IFT43: variants seen among roughly 807,000 people sequenced by gnomAD.
IFT43 encodes the protein intraflagellar transport 43.
Under a neutral mutation model 32.3 loss-of-function variants are expected in IFT43, and 33 were observed. That is an observed-to-expected ratio of 1.02 (90% CI 0.77 to 1.37). The LOEUF (loss-of-function observed/expected upper bound fraction) is 1.37. IFT43 is among the 40% of genes most tolerant of loss of function. The pLI is 0.00. For missense variants in IFT43, 274 were observed against 265.9 expected (o/e 1.03, Z -0.21); for synonymous variants, 93 against 98.2 (o/e 0.95, Z 0.31).
chr14:75,996,859 T>A (rs1346452967), intron 2 of IFT43, among the ~76,000 whole-genome samples: 2 of 152,238 alleles, frequency 1.3e-5, no homozygotes, highest in African/African-American at 2.4e-5. Flanking sequence ...ATTCATTCAT[T>A]TATGAAACTT....
rs574110205 is a variant in IFT43 at position 76,029,212 on chromosome 14, A to G, written c.215+6818A>G. Among the ~76,000 whole-genome samples the G allele has an allele frequency of 1.3e-5, 2 of 152,138 alleles. 1 individual carries two copies. The highest frequency in any genetic ancestry group is 4.1e-4 in the South Asian group (2 of 4,828). ...TGTGGCTTCAATTTGCATTTCTCTG[A>G]TAGTGATGTTAAGCATTTATTCATA... On this transcript the variant is annotated intron_variant, in intron 3 of 8. Transcript: ENST00000314067.
chr14:76,077,624 T>C (rs760909206), intron 5 of IFT43, among the ~76,000 whole-genome samples: 2 of 152,166 alleles, frequency 1.3e-5, no homozygotes, highest in African/African-American at 4.8e-5. Context: ...TAAAGTATTA[T>C]GGAAGGATAA....
chr14:76,074,479 C>T (rs1473525519), intron 5 of IFT43, among the ~76,000 whole-genome samples: 3 of 152,270 alleles, frequency 2.0e-5, no homozygotes, highest in South Asian at 2.1e-4. Context: ...GGGCAGGTGA[C>T]GCCAGGGTCC....
chr14:75,986,977 G>A (rs1336042992), intron 1 of IFT43, among the ~76,000 whole-genome samples: 1 of 152,150 alleles, frequency 6.6e-6, no homozygotes. Context: ...CAAAGTTCCT[G>A]CCCTCATGTG....
chr14:76,053,250 C>T (rs570519438), intron 3 of IFT43, among the ~76,000 whole-genome samples: 11 of 152,166 alleles, frequency 7.2e-5, no homozygotes, highest in Non-Finnish European at 1.3e-4. Context: ...TGTCATCAGT[C>T]GTCATCCTTC....
chr14:76,081,723 C>T (rs1017222250), intron 5 of IFT43, among the ~76,000 whole-genome samples: 7 of 152,168 alleles, frequency 4.6e-5, no homozygotes, highest in Non-Finnish European at 8.8e-5. Flanking sequence ...GGCAAATGGA[C>T]GCCTGGATCC....
At chr14:76,049,118 A>G (rs1397343098) in intron 3 of IFT43, among the ~76,000 whole-genome samples, 1 of 152,210 alleles carries the variant, frequency 6.6e-6, no homozygotes, top group Non-Finnish European at 1.5e-5. Context: ...AATTGAAATA[A>G]AGGTTTCCAG....
rs542625642 is a variant in IFT43 at position 76,054,310 on chromosome 14, A to C, written c.216-4332A>C. Among the ~76,000 whole-genome samples, 34 of 152,302 alleles carry C rather than the reference A, an allele frequency of 2.2e-4. No individual in the cohort carries two copies. The South Asian group carries it at 7.0e-3, about 32-fold the overall frequency. On this transcript the variant is annotated intron_variant, in intron 3 of 8. Coordinates refer to ENST00000314067, the MANE Select transcript of IFT43 (RefSeq NM_001102564.3). Reference sequence around the variant, plus strand: ...ATACCATATCGTGCCTTCCATAAGGAGAGGAAGTCAAGAAGGGACCGTCTA... The same window carrying C: ...ATACCATATCGTGCCTTCCATAAGGCGAGGAAGTCAAGAAGGGACCGTCTA...
At chr14:76,026,975 G>A (rs1343737033) in intron 3 of IFT43, among the ~76,000 whole-genome samples, 3 of 152,276 alleles carry the variant, frequency 2.0e-5, no homozygotes, top group African/African-American at 7.2e-5. Context: ...GCAAACTAAT[G>A]TAGGAACAGA....
intron 2 of IFT43, among the ~76,000 whole-genome samples, chr14:76,017,373 C>T (rs1274679349): frequency 6.6e-6 from 1 of 152,100 alleles, no homozygotes; most frequent in Non-Finnish European, 1.5e-5. Context: ...TTGTGTTGAA[C>T]CCTCCTTGCA....
chr14:75,999,241 A>AATATTCATTTATATATAAATTCATTTTT (rs1408982797), intron 2 of IFT43, among the ~76,000 whole-genome samples: 1 of 12,976 alleles, frequency 7.7e-5, no homozygotes, highest in African/African-American at 3.3e-4. Context: ...ATATATATAT[A>AATATTCATTTATATATAAATTCATTTTT]TATATATATA....
At chr14:76,010,015 G>A (rs1260557941) in intron 2 of IFT43, among the ~76,000 whole-genome samples, 2 of 152,148 alleles carry the variant, frequency 1.3e-5, no homozygotes, top group Admixed American at 6.5e-5. Flanking sequence ...GGCTGGTCTT[G>A]AACTCCTGAC....
At chr14:76,040,998 T>TG (rs2036696707) in intron 3 of IFT43, among the ~76,000 whole-genome samples, 1 of 152,238 alleles carries the variant, frequency 6.6e-6, no homozygotes, top group African/African-American at 2.4e-5. Flanking sequence ...CAACTGCCTG[T>TG]GGGCTGGCCT....
At chr14:76,061,814 T>C (rs1400875301) in intron 5 of IFT43, among the ~76,000 whole-genome samples, 1 of 152,198 alleles carries the variant, frequency 6.6e-6, no homozygotes, top group Non-Finnish European at 1.5e-5. Context: ...TATGGCATAT[T>C]TGCATTATGC....
At chr14:76,072,099 A>G (rs2037332239) in intron 5 of IFT43, among the ~76,000 whole-genome samples, 1 of 152,236 alleles carries the variant, frequency 6.6e-6, no homozygotes, top group Non-Finnish European at 1.5e-5. Flanking sequence ...GACAAACACA[A>G]GAGACCAGGT....
intron 3 of IFT43, among the ~76,000 whole-genome samples, chr14:76,035,114 T>G (rs2036574457): frequency 6.6e-6 from 1 of 152,180 alleles, no homozygotes; most frequent in South Asian, 2.1e-4. Flanking sequence ...TCATTTTCAA[T>G]CACCCTCTCC....
intron 5 of IFT43, among the ~76,000 whole-genome samples, chr14:76,073,194 A>G (rs1414778171): frequency 6.6e-6 from 1 of 152,218 alleles, no homozygotes; most frequent in Non-Finnish European, 1.5e-5. Flanking sequence ...CCCAGAACAC[A>G]GCAGGTTGTG....
At chr14:76,057,358 G>A (rs2037038631) in intron 3 of IFT43, among the ~76,000 whole-genome samples, 1 of 152,044 alleles carries the variant, frequency 6.6e-6, no homozygotes, top group Admixed American at 6.6e-5. Context: ...CAGCCTCTGA[G>A]TAGCTGGGAT....
intron 5 of IFT43, among the ~76,000 whole-genome samples, chr14:76,081,375 C>G (rs1566739694): frequency 6.6e-6 from 1 of 152,188 alleles, no homozygotes; most frequent in East Asian, 1.9e-4. Context: ...CCCACCAGGC[C>G]TTTTTTCTTG....
Sources: allele counts gnomAD v4.1 joint callset (sites outside exome capture counted in the v4.1 genomes callset), GRCh38; gene constraint gnomAD v4.1.1; transcripts MANE v1.5; gene names NCBI Gene and HGNC (gene_info 2026-07-23, HGNC 2026-07-21).